Variants in CHD9 observed in about 807,000 individuals in gnomAD.
CHD9 encodes the protein ATP-dependent chromatin remodeler CHD9.
In CHD9, 77 loss-of-function variants were observed where a neutral mutation model predicts 316.1. The ratio of observed to expected loss-of-function variants is 0.24; its 90% CI spans 0.20 to 0.29. CHD9 has a LOEUF of 0.29. CHD9 is among the 10% of genes least tolerant of loss of function. The probability of loss-of-function intolerance (pLI) is 1.00; values close to 1 mark genes in which losing one functional copy is unlikely to be tolerated. For missense variants in CHD9, 2,763 were observed against 3,438.1 expected, an observed-to-expected ratio of 0.80 and a Z score of 4.91; for synonymous variants, 1,129 against 1,158.3, an observed-to-expected ratio of 0.97 and a Z score of 0.51.
At chr16:53,153,740 T>G (rs2041297459) in intron 1 of CHD9, among the ~76,000 whole-genome samples, 1 of 152,142 alleles carries the variant, frequency 6.6e-6, no homozygotes, top group Non-Finnish European at 1.5e-5. Flanking sequence ...TCTCATTTTG[T>G]TACCTAGGCT....
rs536912373 is a variant in CHD9 at position 53,077,902 on chromosome 16, C to T, written c.-165+22825C>T. On this transcript the variant is annotated intron_variant, in intron 1 of 38. Coordinates refer to ENST00000447540, the MANE Select transcript of CHD9 (RefSeq NM_001308319.2). ...AGCCTAGCCAACATGGCAAAAATCC[C>T]GTCTCTACTAAAAATACAAAAATTA... 2.9e-4 allele frequency among the ~76,000 whole-genome samples: 44 copies of T among 152,102 alleles called. 1 individual carries two copies. The highest frequency in any genetic ancestry group is 2.3e-3 in the South Asian group (11 of 4,820).
At chr16:53,242,779 C>G (rs2049218594) in intron 12 of CHD9, 61 bp from the exon 13 acceptor site, 2 of 1,447,182 alleles carry the variant, frequency 1.4e-6, no homozygotes, top group South Asian at 1.2e-5. Context: ...TGCCACTTGA[C>G]AGGAATAAAA....
At chr16:53,225,913 G>A (rs2047615389) in intron 4 of CHD9, among the ~76,000 whole-genome samples, 1 of 151,966 alleles carries the variant, frequency 6.6e-6, no homozygotes, top group Admixed American at 6.6e-5. Context: ...GACTAAAACT[G>A]TGAAATTATT....
At chr16:53,226,310 CA>C in intron 4 of CHD9, 55 bp from the exon 5 acceptor site, 5 of 1,300,328 alleles carry the variant, frequency 3.8e-6, no homozygotes, top group Non-Finnish European at 5.1e-6. Context: ...TAATTATTTT[CA>C]AAAACTTTTC....
intron 1 of CHD9, among the ~76,000 whole-genome samples, chr16:53,142,730 CTAAT>C (rs1276209188): frequency 6.6e-6 from 1 of 152,248 alleles, no homozygotes; most frequent in African/African-American, 2.4e-5. Context: ...AGATATTTGT[CTAAT>C]TGATTGGTGA....
intron 1 of CHD9, among the ~76,000 whole-genome samples, chr16:53,141,400 A>G (rs2040099023): frequency 6.6e-6 from 1 of 152,194 alleles, no homozygotes; most frequent in Admixed American, 6.5e-5. Flanking sequence ...GGGATACGTG[A>G]GAATTAAAGT....
chr16:53,125,555 T>G (rs1252239867), intron 1 of CHD9, among the ~76,000 whole-genome samples: 1 of 152,172 alleles, frequency 6.6e-6, no homozygotes, highest in Non-Finnish European at 1.5e-5. Flanking sequence ...TTTTTTGACG[T>G]TGCAGTGGTG....
chr16:53,296,431 TA>T (rs1208036574), intron 29 of CHD9, among the ~76,000 whole-genome samples: 6 of 135,256 alleles, frequency 4.4e-5, no homozygotes, highest in Non-Finnish European at 6.3e-5. Flanking sequence ...CTATTAAAAG[TA>T]AATTTTTTTT....
At chr16:53,114,686 C>T (rs1340586268) in intron 1 of CHD9, among the ~76,000 whole-genome samples, 1 of 152,198 alleles carries the variant, frequency 6.6e-6, no homozygotes, top group Non-Finnish European at 1.5e-5. Flanking sequence ...CTCGCGGGTT[C>T]ACGCCATTCT....
At chr16:53,239,033 A>G (rs1404526370) in intron 12 of CHD9, among the ~76,000 whole-genome samples, 1 of 152,146 alleles carries the variant, frequency 6.6e-6, no homozygotes, top group African/African-American at 2.4e-5. Context: ...TTCATGTTCA[A>G]TGGATTTTTA....
In CHD9 at chr16:53,325,776, A is replaced by G. The variant is rs1294206937; in HGVS notation, c.*881A>G. On this transcript the variant is annotated 3_prime_UTR_variant, in exon 39 of 39. Coordinates refer to ENST00000447540, the MANE Select transcript of CHD9 (RefSeq NM_001308319.2). ...TCCAGGGTTCAGAAAAGGCAAACTCATGAAATGCCACTGAAAAGAACTTTC... is the reference window on the plus strand; with the variant it reads ...TCCAGGGTTCAGAAAAGGCAAACTCGTGAAATGCCACTGAAAAGAACTTTC... 1 of 152,284 alleles carries G rather than the reference A, an allele frequency of 6.6e-6. No homozygotes were observed. Among genetic ancestry groups the G allele is most frequent in the Non-Finnish European group, 1.5e-5 (1 of 68,000 alleles). 9.4% of individuals were successfully genotyped at this position (152,284 alleles called of 1,614,324 possible). A position where few individuals can be genotyped will look rare whatever the true frequency, so the allele number is the denominator to read the frequency against.
intron 2 of CHD9, among the ~76,000 whole-genome samples, chr16:53,197,905 A>T (rs1389646817): frequency 1.3e-5 from 2 of 151,970 alleles, no homozygotes; most frequent in Non-Finnish European, 2.9e-5. Flanking sequence ...TGATCTGCCC[A>T]CCTCAGCCTC....
chr16:53,133,878 G>A (rs1225863815), intron 1 of CHD9, among the ~76,000 whole-genome samples: 1 of 152,200 alleles, frequency 6.6e-6, no homozygotes, highest in African/African-American at 2.4e-5. Flanking sequence ...GGATAGAGCT[G>A]AAGGAGGGGC....
At chr16:53,155,193 A>C (rs1455103261) in intron 1 of CHD9, among the ~76,000 whole-genome samples, 1 of 152,160 alleles carries the variant, frequency 6.6e-6, no homozygotes, top group Non-Finnish European at 1.5e-5. Flanking sequence ...TTGCCAAGTA[A>C]AATTAGTTGG....
chr16:53,275,605 C>T (rs1301413363), intron 24 of CHD9, among the ~76,000 whole-genome samples: 1 of 152,044 alleles, frequency 6.6e-6, no homozygotes, highest in Non-Finnish European at 1.5e-5. Flanking sequence ...GTCACCTTTC[C>T]CAGTTTTCTT....
chr16:53,142,535 G>A (rs2040202016), intron 1 of CHD9, among the ~76,000 whole-genome samples: 1 of 152,304 alleles, frequency 6.6e-6, no homozygotes, highest in East Asian at 1.9e-4. Flanking sequence ...TCCAGCTTCT[G>A]GTCTCAAGCA....
intron 34 of CHD9, among the ~76,000 whole-genome samples, chr16:53,314,108 G>T (rs1423807273): frequency 6.6e-6 from 1 of 152,028 alleles, no homozygotes; most frequent in Non-Finnish European, 1.5e-5. Context: ...TAGGGAAAAG[G>T]CATGCTTCCT....
At chr16:53,255,023 A>C (rs953643022) in intron 18 of CHD9, among the ~76,000 whole-genome samples, 1 of 152,016 alleles carries the variant, frequency 6.6e-6, no homozygotes, top group Non-Finnish European at 1.5e-5. Flanking sequence ...ATAGGATCCT[A>C]GTACTGGGCT....
chr16:53,223,929 A>G (rs889211093), intron 4 of CHD9, among the ~76,000 whole-genome samples: 3 of 152,196 alleles, frequency 2.0e-5, no homozygotes, highest in African/African-American at 7.2e-5. Flanking sequence ...TAAAAATGTG[A>G]TTTGGTATTT....
Sources: allele counts gnomAD v4.1 joint callset (sites outside exome capture counted in the v4.1 genomes callset), GRCh38; gene constraint gnomAD v4.1.1; transcripts MANE v1.5; gene names NCBI Gene and HGNC (gene_info 2026-07-23, HGNC 2026-07-21).